Variants in CCDC88C observed in about 807,000 individuals in gnomAD.
The protein encoded by CCDC88C is coiled-coil and HOOK domain protein 88C.
In CCDC88C, 131 loss-of-function variants were observed where a neutral mutation model predicts 198.8. The ratio of observed to expected loss-of-function variants is 0.66; its 90% CI spans 0.57 to 0.76. CCDC88C has a LOEUF of 0.76. CCDC88C is among the 30% of genes least tolerant of loss of function. The pLI is 0.00. For synonymous variants in CCDC88C, 1,166 were observed against 1,114.7 expected (o/e 1.05, Z -0.92); for missense variants, 2,553 against 2,631.6 (o/e 0.97, Z 0.65).
At chr14:91,374,376 G>A (rs1182651883) in intron 3 of CCDC88C, among the ~76,000 whole-genome samples, 1 of 152,184 alleles carries the variant, frequency 6.6e-6, no homozygotes, top group Admixed American at 6.5e-5. Flanking sequence ...TTCATTGCTT[G>A]GAATATTGGA....
At chr14:91,361,129 TA>T (rs58164336) in intron 3 of CCDC88C, among the ~76,000 whole-genome samples, 1,969 of 117,836 alleles carry the variant, frequency 0.017, 24 homozygotes, top group East Asian at 0.041. Context: ...ACCCTGTCTA[TA>T]AAAAAAAAAA....
Position 91,313,512 on chromosome 14 carries a change from G to T in CCDC88C, c.2304C>A (p.Asn768Lys), listed in dbSNP as rs1596059902. 9.9e-6 allele frequency: 16 copies of T among 1,608,858 alleles called. No individual in the cohort carries two copies. The East Asian group carries it at 3.6e-4, about 36-fold the overall frequency. ...ELSYQSVSAE[N>K]LRLQQSLESS... ...TCTCCAGGCTCTGCTGCAGCCGGAG[G>T]TTCTCAGCGCTCACGCTCTGGTAGC... The change falls in exon 15 of 30, where the codon AAC becomes AAA. Residue 768 changes from asparagine (N) to lysine (K), a missense_variant. Transcript: ENST00000389857. The surrounding 1 kb of genome is among the most constrained non-coding windows in gnomAD (Gnocchi z 5.2).
intron 12 of CCDC88C, 107 bp from the exon 13 acceptor site, chr14:91,321,411 G>T: frequency 8.3e-7 from 1 of 1,209,458 alleles, no homozygotes; most frequent in Non-Finnish European, 1.2e-6. Context: ...GGTCTAAGGG[G>T]CTGGGGAGGA....
rs369105070 is a variant in CCDC88C at position 91,297,378 on chromosome 14, G to A, written c.3893C>T (p.Ala1298Val). 1.9e-6 allele frequency: 3 copies of A among 1,613,452 alleles called. No individual in the cohort carries two copies. Among genetic ancestry groups the A allele is most frequent in the Non-Finnish European group, 2.5e-6 (3 of 1,179,706 alleles). Residue 1298 changes from alanine to valine, a missense_variant, in exon 22 of 30, where the codon GCC (alanine) becomes GTC (valine). Ala to Val is a moderately conservative substitution (Grantham distance 64). Around this residue, in one of 2 missense-constraint regions of CCDC88C, gnomAD observed 1,293 missense variants for 1,219.6 expected, o/e 1.06. Coordinates refer to ENST00000389857, the MANE Select transcript of CCDC88C (RefSeq NM_001080414.4). ...CTGCTCCTTCAGCTCGTCGAAGCGG[G>A]CCTGCCAGCGGTTGAGCTCCAGCTG... The part of the protein sequence containing the change: ...NAQLELNRWQ[A>V]RFDELKEQHQ...
At chr14:91,370,363 C>T (rs866119369) in intron 3 of CCDC88C, among the ~76,000 whole-genome samples, 1 of 152,210 alleles carries the variant, frequency 6.6e-6, no homozygotes, top group African/African-American at 2.4e-5. Flanking sequence ...CAAGTGCCCA[C>T]GCGTCCAGAA....
chr14:91,278,047 C>T lies in CCDC88C; in HGVS notation c.4933G>A (p.Gly1645Ser), dbSNP rs1264106752. Reference protein sequence around the residue: ...LPRNGPLPQEGAQKRGTAPPY... With the variant: ...LPRNGPLPQESAQKRGTAPPY... ...GGGGCTGTGCCCCTCTTCTGGGCACCCTCCTGTGGGAGAGGCCCGTTCCGA... is the reference window on the plus strand; with the variant it reads ...GGGGCTGTGCCCCTCTTCTGGGCACTCTCCTGTGGGAGAGGCCCGTTCCGA... Residue 1645 changes from glycine to serine, a missense_variant, in exon 29 of 30, where the codon GGT (glycine) becomes AGT (serine). Coordinates refer to ENST00000389857, the MANE Select transcript of CCDC88C (RefSeq NM_001080414.4). 3 of 1,608,988 alleles carry T rather than the reference C, an allele frequency of 1.9e-6. No homozygotes were observed. In the East Asian group the frequency reaches 6.7e-5, roughly 36 times the overall value.
intron 3 of CCDC88C, among the ~76,000 whole-genome samples, chr14:91,387,232 A>G (rs968120044): frequency 3.9e-5 from 6 of 152,212 alleles, no homozygotes; most frequent in African/African-American, 1.4e-4. Flanking sequence ...ACTCCTTTAT[A>G]GAACTGACAG....
In CCDC88C at chr14:91,289,304, G is replaced by C; in HGVS notation, c.4242C>G (p.Leu1414=). Residue 1414 remains leucine (L), a synonymous_variant, in exon 25 of 30, where the codon CTC becomes CTG. Coordinates refer to ENST00000389857, the MANE Select transcript of CCDC88C (RefSeq NM_001080414.4). ...TCGAACCCTCTTTCTTTGGTTTGAT[G>C]AGTTTGACTAAGGCTTTGGCTCCAA... ...HWIGAKALVK[L]IKPKKEGSRE... 1.2e-6 allele frequency: 2 copies of C among 1,614,056 alleles called. No homozygotes were observed. Among genetic ancestry groups the C allele is most frequent in the South Asian group, 2.2e-5 (2 of 91,080 alleles).
At chr14:91,335,240 T>G (rs1892999792) in intron 10 of CCDC88C, among the ~76,000 whole-genome samples, 1 of 152,304 alleles carries the variant, frequency 6.6e-6, no homozygotes, top group Admixed American at 6.5e-5. Flanking sequence ...TGGGGCCACG[T>G]AGCCTGAGTG....
chr14:91,331,135 C>G (rs372387917), intron 10 of CCDC88C, among the ~76,000 whole-genome samples: 1 of 151,112 alleles, frequency 6.6e-6, no homozygotes, highest in East Asian at 2.0e-4. Context: ...GGTGCAGGCA[C>G]GGCAGGTGGC....
In CCDC88C at chr14:91,315,919, C is replaced by A. The variant is rs574519224; in HGVS notation, c.1528-132G>T. The A allele has an allele frequency of 1.3e-5, 11 of 870,526 alleles. No individual in the cohort carries two copies. The East Asian group carries it at 2.7e-4, about 21-fold the overall frequency. 53.9% of individuals were successfully genotyped at this position (870,526 alleles called of 1,614,324 possible). On this transcript the variant is annotated intron_variant, in intron 13 of 29. Coordinates refer to ENST00000389857, the MANE Select transcript of CCDC88C (RefSeq NM_001080414.4). ...TTCTCAAGGGAAGACCTCCTGACAT[C>A]ATTCTGTAGCAACTCCCCACACCAC...
intron 13 of CCDC88C, among the ~76,000 whole-genome samples, chr14:91,319,249 T>A (rs545049338): frequency 7.9e-5 from 12 of 152,344 alleles, no homozygotes; most frequent in African/African-American, 2.9e-4. Context: ...TAGTCTCTCA[T>A]TGGCCCCTTC....
chr14:91,392,393 G>C (rs1885558884), intron 3 of CCDC88C, among the ~76,000 whole-genome samples: 1 of 152,272 alleles, frequency 6.6e-6, no homozygotes, highest in African/African-American at 2.4e-5. Context: ...CAACCACCCA[G>C]AGCAGGGAAG....
chr14:91,321,729 G>A (rs1157481689), intron 12 of CCDC88C, among the ~76,000 whole-genome samples: 1 of 152,216 alleles, frequency 6.6e-6, no homozygotes, highest in Non-Finnish European at 1.5e-5. Flanking sequence ...GCACGTAACT[G>A]ACCACTCCCG....
In CCDC88C at chr14:91,289,244, G is replaced by C; in HGVS notation, c.4302C>G (p.Pro1434=). The part of the protein sequence containing the change: ...ERLKSTVDSP[P]WQLESSDPAS... ...CGGGGTCTGAGGACTCCAGCTGCCA[G>C]GGAGGGCTGTCCACGGTGGATTTTA... The change falls in exon 25 of 30, where the codon CCC becomes CCG. Residue 1434 remains proline, a synonymous_variant. Coordinates refer to ENST00000389857, the MANE Select transcript of CCDC88C (RefSeq NM_001080414.4). 6.2e-7 allele frequency: 1 copy of C among 1,614,074 alleles called. No homozygotes were observed. Among genetic ancestry groups the C allele is most frequent in the Non-Finnish European group, 8.5e-7 (1 of 1,179,898 alleles).
intron 4 of CCDC88C, among the ~76,000 whole-genome samples, chr14:91,348,686 C>T (rs1893655531): frequency 6.6e-6 from 1 of 152,038 alleles, no homozygotes; most frequent in South Asian, 2.1e-4. Flanking sequence ...AGTATGGATT[C>T]CTGTTTGCTA....
At chr14:91,279,343 A>T in intron 27 of CCDC88C, 37 bp from the exon 28 acceptor site, 1 of 1,524,328 alleles carries the variant, frequency 6.6e-7, no homozygotes, top group South Asian at 1.2e-5. Context: ...TAAAAAGCCA[A>T]TGACCAGGTA....
At chr14:91,320,278 T>C (rs57727048) in intron 13 of CCDC88C, among the ~76,000 whole-genome samples, 4 of 152,100 alleles carry the variant, frequency 2.6e-5, no homozygotes, top group African/African-American at 9.7e-5. Flanking sequence ...GCCTGGAGGT[T>C]GAGCTAATCA....
intron 10 of CCDC88C, among the ~76,000 whole-genome samples, chr14:91,328,761 C>T (rs921718432): frequency 6.6e-5 from 10 of 152,168 alleles, no homozygotes; most frequent in Non-Finnish European, 1.0e-4. Flanking sequence ...ATACTCCATG[C>T]GCAGCGCCTG....
Sources: allele counts gnomAD v4.1 joint callset (sites outside exome capture counted in the v4.1 genomes callset), GRCh38; gene constraint gnomAD v4.1.1; regional missense constraint gnomAD v4.1.1; non-coding constraint Gnocchi (gnomAD v3.1); transcripts MANE v1.5; gene names NCBI Gene and HGNC (gene_info 2026-07-23, HGNC 2026-07-21).